PDE7B: variants seen among roughly 807,000 people sequenced by gnomAD.
PDE7B encodes the protein 3',5'-cyclic-AMP phosphodiesterase 7B.
Under a neutral mutation model 56.2 loss-of-function variants are expected in PDE7B, and 29 were observed. The ratio of observed to expected loss-of-function variants is 0.52; its 90% CI spans 0.38 to 0.70. The LOEUF (loss-of-function observed/expected upper bound fraction) is 0.70. Among genes scored for constraint, PDE7B ranks in the 30% least tolerant of loss-of-function variants. PDE7B has a pLI of 0.00. For synonymous variants in PDE7B, 197 were observed against 196.9 expected (o/e 1.00, Z 0.00); for missense variants, 490 against 565.0 (o/e 0.87, Z 1.35).
chr6:136,185,719 G>C (rs1049062225), intron 11 of PDE7B, among the ~76,000 whole-genome samples: 2 of 152,110 alleles, frequency 1.3e-5, no homozygotes, highest in Non-Finnish European at 2.9e-5. Context: ...GAGCTATGAT[G>C]ACACCACTGC....
At chr6:136,116,635 T>C (rs1489414857) in intron 3 of PDE7B, among the ~76,000 whole-genome samples, 2 of 152,182 alleles carry the variant, frequency 1.3e-5, no homozygotes, top group East Asian at 3.9e-4. Flanking sequence ...AGTTAGAGGA[T>C]GAGTTAGGGG....
intron 2 of PDE7B, among the ~76,000 whole-genome samples, chr6:136,059,659 C>G (rs987221531): frequency 6.6e-6 from 1 of 152,182 alleles, no homozygotes; most frequent in Non-Finnish European, 1.5e-5. Context: ...ACTCCAAGAA[C>G]GTAGTAGCTG....
intron 1 of PDE7B, among the ~76,000 whole-genome samples, chr6:135,924,791 A>G (rs1774155101): frequency 6.6e-6 from 1 of 151,244 alleles, no homozygotes; most frequent in Non-Finnish European, 1.5e-5. Flanking sequence ...TACAAAGTCA[A>G]TCAGTGAGTA....
At chr6:136,081,129 G>A (rs1777201480) in intron 2 of PDE7B, among the ~76,000 whole-genome samples, 1 of 152,166 alleles carries the variant, frequency 6.6e-6, no homozygotes, top group African/African-American at 2.4e-5. Context: ...CCCTGAAGGT[G>A]ATACAGTCAT....
Position 135,970,622 on chromosome 6 carries a change from T to G in PDE7B, c.82+23098T>G, listed in dbSNP as rs17065184. 9.1e-3 allele frequency among the ~76,000 whole-genome samples: 1,387 copies of G among 152,340 alleles called. 15 individuals carry two copies. The highest frequency in any genetic ancestry group is 0.034 in the Middle Eastern group (10 of 294). On this transcript the variant is annotated intron_variant, in intron 2 of 12. Transcript: ENST00000308191. ...GTATACATTGTGAAGAGCCAGTTCC[T>G]AATCCATAATGGAGAGTTTAGATTT...
At chr6:136,101,709 C>G (rs1562493318) in intron 2 of PDE7B, among the ~76,000 whole-genome samples, 1 of 152,132 alleles carries the variant, frequency 6.6e-6, no homozygotes, top group Non-Finnish European at 1.5e-5. Context: ...TTGCTGACTC[C>G]CATACCTAAA....
intron 2 of PDE7B, among the ~76,000 whole-genome samples, chr6:136,029,205 C>A (rs1776198722): frequency 6.6e-6 from 1 of 152,040 alleles, no homozygotes; most frequent in South Asian, 2.1e-4. Context: ...GTAAATAAGA[C>A]TTAACTGAAG....
chr6:135,966,191 A>G (rs1328269060), intron 2 of PDE7B, among the ~76,000 whole-genome samples: 4 of 152,146 alleles, frequency 2.6e-5, no homozygotes, highest in Non-Finnish European at 5.9e-5. Context: ...GTGATTGGCA[A>G]TCTCGTCCTT....
At chr6:136,164,892 A>G (rs183775662) in intron 8 of PDE7B, among the ~76,000 whole-genome samples, 10 of 152,322 alleles carry the variant, frequency 6.6e-5, no homozygotes, top group African/African-American at 2.4e-4. Flanking sequence ...TGGGCATTAA[A>G]TGCCATTGTT....
At chr6:136,055,408 G>A (rs1281158030) in intron 2 of PDE7B, among the ~76,000 whole-genome samples, 1 of 152,150 alleles carries the variant, frequency 6.6e-6, no homozygotes, top group Non-Finnish European at 1.5e-5. Context: ...TACCAGCACT[G>A]AGTCTTTTAC....
At chr6:135,974,912 ACTC>A (rs1047864952) in intron 2 of PDE7B, among the ~76,000 whole-genome samples, 2 of 151,628 alleles carry the variant, frequency 1.3e-5, no homozygotes, top group African/African-American at 2.4e-5. Flanking sequence ...AGTCTCCAAA[ACTC>A]CTCTCTGGAG....
chr6:136,015,272 G>A (rs759250572), intron 2 of PDE7B, among the ~76,000 whole-genome samples: 5 of 152,134 alleles, frequency 3.3e-5, no homozygotes, highest in Non-Finnish European at 7.4e-5. Context: ...GGGGTCGGGG[G>A]AGAATTTTAT....
chr6:135,990,227 C>G (rs796076485), intron 2 of PDE7B, among the ~76,000 whole-genome samples: 3 of 152,014 alleles, frequency 2.0e-5, no homozygotes, highest in African/African-American at 7.2e-5. Flanking sequence ...TACCAAGTGG[C>G]TGGGATTACA....
intron 9 of PDE7B, among the ~76,000 whole-genome samples, chr6:136,176,593 G>A (rs976792367): frequency 2.6e-5 from 4 of 151,882 alleles, no homozygotes; most frequent in East Asian, 1.9e-4. Context: ...AATAGAATAC[G>A]CATCCTTGTA....
intron 1 of PDE7B, among the ~76,000 whole-genome samples, chr6:135,935,190 T>TTATTTATATA (rs1554268032): frequency 2.8e-5 from 1 of 36,192 alleles, no homozygotes; most frequent in South Asian, 1.0e-3. Flanking sequence ...ATATATTTAT[T>TTATTTATATA]TATATATATA....
chr6:135,898,795 G>A (rs1775946242), intron 1 of PDE7B, among the ~76,000 whole-genome samples: 1 of 152,022 alleles, frequency 6.6e-6, no homozygotes, highest in East Asian at 1.9e-4. Flanking sequence ...TAAATTTAGG[G>A]ACAAATTATT....
At chr6:136,006,106 C>T (rs1775776407) in intron 2 of PDE7B, among the ~76,000 whole-genome samples, 1 of 146,888 alleles carries the variant, frequency 6.8e-6, no homozygotes, top group Admixed American at 7.0e-5. Flanking sequence ...ATCACAAGGA[C>T]AAAAAACCAA....
intron 2 of PDE7B, chr6:136,044,958 G>C (rs184895107): frequency 1.3e-5 from 2 of 150,926 alleles, no homozygotes; most frequent in African/African-American, 2.4e-5. Flanking sequence ...ATTAAACAAG[G>C]CTGGTTCAAC....
At position 136,001,507 on chromosome 6, in the gene PDE7B, G is replaced by T. The variant is rs557259187; in HGVS notation, c.82+53983G>T. 6.6e-3 allele frequency among the ~76,000 whole-genome samples: 1,012 copies of T among 152,320 alleles called. 9 individuals carry two copies. The highest frequency in any genetic ancestry group is 0.023 in the African/African-American group (953 of 41,578). The stretch of plus-strand genomic sequence containing the variant: ...AACCAATACAGAGAAGTGCTTAAAG[G>T]AGCTGATGGAGCTGAAAGCCAAGGC... On this transcript the variant is annotated intron_variant, in intron 2 of 12. Transcript: ENST00000308191.
Sources: allele counts gnomAD v4.1 joint callset (sites outside exome capture counted in the v4.1 genomes callset), GRCh38; gene constraint gnomAD v4.1.1; transcripts MANE v1.5; gene names NCBI Gene and HGNC (gene_info 2026-07-23, HGNC 2026-07-21).